SIPA1L1: variants seen among roughly 807,000 people sequenced by gnomAD.
SIPA1L1 encodes signal-induced proliferation-associated 1-like protein 1.
In SIPA1L1, 26 loss-of-function variants were observed where a neutral mutation model predicts 162.7. The ratio of observed to expected loss-of-function variants is 0.16; its 90% CI spans 0.12 to 0.22. The LOEUF (loss-of-function observed/expected upper bound fraction) is 0.22, where lower values mean the gene tolerates loss of function less well. Among genes scored for constraint, SIPA1L1 ranks in the 10% least tolerant of loss-of-function variants. SIPA1L1 has a pLI of 1.00. For missense variants in SIPA1L1, 1,874 were observed against 2,241.0 expected, an observed-to-expected ratio of 0.84 and a Z score of 3.31; for synonymous variants, 829 against 837.4, an observed-to-expected ratio of 0.99 and a Z score of 0.17.
intron 9 of SIPA1L1, 95 bp from the exon 10 acceptor site, chr14:71,661,213 AGG>A: frequency 2.3e-6 from 3 of 1,279,884 alleles, no homozygotes; most frequent in Admixed American, 2.0e-5. Flanking sequence ...TGTACTGATT[AGG>A]AATGGATGTT....
chr14:71,422,573 T>C (rs1209657245), intron 2 of SIPA1L1, among the ~76,000 whole-genome samples: 1 of 152,220 alleles, frequency 6.6e-6, no homozygotes, highest in Non-Finnish European at 1.5e-5. Context: ...GAAATCATCA[T>C]ACATTATTTG....
chr14:71,458,157 T>G (rs1386803205), intron 2 of SIPA1L1, among the ~76,000 whole-genome samples: 1 of 152,222 alleles, frequency 6.6e-6, no homozygotes, highest in Non-Finnish European at 1.5e-5. Context: ...TGTTTTCTTT[T>G]GCAAGCTTCA....
chr14:71,688,890 A>G (rs1294765016), intron 13 of SIPA1L1, among the ~76,000 whole-genome samples: 2 of 152,208 alleles, frequency 1.3e-5, no homozygotes, highest in African/African-American at 4.8e-5. Context: ...GGTTAGGGAA[A>G]TTGTGTTTAA....
intron 12 of SIPA1L1, among the ~76,000 whole-genome samples, chr14:71,675,736 G>A (rs2045092310): frequency 6.6e-6 from 1 of 152,162 alleles, no homozygotes; most frequent in Non-Finnish European, 1.5e-5. Flanking sequence ...GCGAGAGGCA[G>A]GACAGGCCTC....
At chr14:71,517,490 ATAAACAAT>A (rs1567138430) in intron 3 of SIPA1L1, among the ~76,000 whole-genome samples, 1 of 152,140 alleles carries the variant, frequency 6.6e-6, no homozygotes, top group East Asian at 1.9e-4. Context: ...TTCTGTGGGT[ATAAACAAT>A]TATATGTGTC....
At chr14:71,364,798 T>C (rs1276669156) in intron 2 of SIPA1L1, among the ~76,000 whole-genome samples, 1 of 151,534 alleles carries the variant, frequency 6.6e-6, no homozygotes, top group Non-Finnish European at 1.5e-5. Context: ...AAGGCTGGAG[T>C]GCAGTAGTGC....
chr14:71,676,200 G>A (rs1234211828), intron 12 of SIPA1L1, among the ~76,000 whole-genome samples: 2 of 151,738 alleles, frequency 1.3e-5, no homozygotes, highest in African/African-American at 4.8e-5. Flanking sequence ...GGCTGAGGTA[G>A]GAGAATCACT....
chr14:71,709,008 A>T (rs1260348063), intron 16 of SIPA1L1, among the ~76,000 whole-genome samples: 2 of 144,914 alleles, frequency 1.4e-5, no homozygotes, highest in East Asian at 2.0e-4. Context: ...AAAATAGATT[A>T]AAAAAAAAAA....
At chr14:71,359,236 C>T (rs1212625783) in intron 2 of SIPA1L1, among the ~76,000 whole-genome samples, 1 of 152,158 alleles carries the variant, frequency 6.6e-6, no homozygotes, top group Non-Finnish European at 1.5e-5. Flanking sequence ...GGCAGTTCCC[C>T]TGCACACGCT....
chr14:71,343,634 A>G (rs1471777159), intron 2 of SIPA1L1, among the ~76,000 whole-genome samples: 1 of 152,146 alleles, frequency 6.6e-6, no homozygotes, highest in Admixed American at 6.5e-5. Context: ...GTCTTTAAAA[A>G]ATGGCTTCTA....
chr14:71,378,512 A>G (rs763284379), intron 2 of SIPA1L1, among the ~76,000 whole-genome samples: 36 of 152,190 alleles, frequency 2.4e-4, no homozygotes, highest in Non-Finnish European at 5.0e-4. Context: ...TTGTGGTCAG[A>G]GAATATTTGT....
chr14:71,524,111 A>G (rs1045333531), intron 3 of SIPA1L1, among the ~76,000 whole-genome samples: 30 of 149,442 alleles, frequency 2.0e-4, no homozygotes, highest in Non-Finnish European at 3.8e-4. Context: ...ATGTATACAC[A>G]TATCTACATT....
rs1304986323 is a variant in SIPA1L1 at position 71,685,578 on chromosome 14, A to G, written c.3321A>G (p.Arg1107=). 6.2e-7 allele frequency: 1 copy of G among 1,614,212 alleles called. No homozygotes were observed. The highest frequency in any genetic ancestry group is 8.5e-7 in the Non-Finnish European group (1 of 1,180,042). The change falls in exon 13 of 24, where the codon AGA becomes AGG. Residue 1107 remains arginine (R), a synonymous_variant. Coordinates refer to ENST00000381232, the MANE Select transcript of SIPA1L1 (RefSeq NM_001386936.1). The part of the protein sequence containing the change: ...KGDGKMPPPE[R]AANIPRSISS... ...ATGGGAAGATGCCTCCTCCAGAAAGAGCCGCCAACATCCCTCGAAGCATCT... is the reference window on the plus strand; with the variant it reads ...ATGGGAAGATGCCTCCTCCAGAAAGGGCCGCCAACATCCCTCGAAGCATCT...
At chr14:71,336,743 C>T (rs968833708) in intron 2 of SIPA1L1, among the ~76,000 whole-genome samples, 1 of 152,166 alleles carries the variant, frequency 6.6e-6, no homozygotes, top group Non-Finnish European at 1.5e-5. Flanking sequence ...CATGTGATTG[C>T]GTAATTGTTT....
chr14:71,415,185 G>A (rs917327253), intron 2 of SIPA1L1, among the ~76,000 whole-genome samples: 1 of 152,128 alleles, frequency 6.6e-6, no homozygotes. Flanking sequence ...AGAGCTTAGG[G>A]GATGGGTAAT....
chr14:71,379,719 T>G (rs1244375683), intron 2 of SIPA1L1: 4 of 152,280 alleles, frequency 2.6e-5, no homozygotes, highest in Admixed American at 2.6e-4. Context: ...CGCGTGCGCG[T>G]ATGGTGTCTA....
chr14:71,646,546 G>T (rs2042188059), intron 7 of SIPA1L1, among the ~76,000 whole-genome samples: 2 of 152,192 alleles, frequency 1.3e-5, no homozygotes, highest in South Asian at 4.1e-4. Flanking sequence ...TTTCCCAGCT[G>T]TGGAAGCTCA....
At chr14:71,399,555 C>T (rs968483796) in intron 2 of SIPA1L1, among the ~76,000 whole-genome samples, 4 of 152,024 alleles carry the variant, frequency 2.6e-5, no homozygotes. Context: ...CAGGTGCACA[C>T]CACCATACCT....
chr14:71,526,878 A>G (rs576766358), intron 3 of SIPA1L1, among the ~76,000 whole-genome samples: 2 of 152,324 alleles, frequency 1.3e-5, no homozygotes, highest in African/African-American at 4.8e-5. Context: ...GCATTTACCT[A>G]GGAGTGGAAT....
Sources: allele counts gnomAD v4.1 joint callset (sites outside exome capture counted in the v4.1 genomes callset), GRCh38; gene constraint gnomAD v4.1.1; transcripts MANE v1.5; gene names NCBI Gene and HGNC (gene_info 2026-07-23, HGNC 2026-07-21).